The following FOXF2 variants were observed in gnomAD, a reference collection of about 807,000 sequenced individuals.
FOXF2 encodes forkhead box F2.
In FOXF2, 15 loss-of-function variants were observed where a neutral mutation model predicts 29.1. The observed-to-expected ratio is 0.52, with a 90% CI of 0.35 to 0.79. FOXF2 has a LOEUF of 0.79. Among genes scored for constraint, FOXF2 ranks in the 30% least tolerant of loss-of-function variants. FOXF2 has a pLI of 0.01. For synonymous variants in FOXF2, 337 were observed against 316.5 expected (o/e 1.06, Z -0.69); for missense variants, 675 against 667.1 (o/e 1.01, Z -0.13).
intron 1 of FOXF2, 46 bp downstream of exon 1, chr6:1,391,164 A>G (rs775794760): frequency 1.3e-6 from 2 of 1,593,366 alleles, no homozygotes; most frequent in East Asian, 4.5e-5. Context: ...CACCGCTTCT[A>G]GGCCTCCAGG....
chr6:1,390,973 G>A lies in FOXF2; in HGVS notation c.1026G>A (p.Ser342=). ...PYTSPAAHWS[S]PGASPYLKQP... ...CGAGCCCTGCGGCGCACTGGAGCTC[G>A]CCTGGCGCCTCGCCTTACCTCAAGC... is the stretch of plus-strand genomic sequence containing the variant. Residue 342 remains serine (S), a synonymous_variant, in exon 1 of 2, where the codon TCG becomes TCA. Coordinates refer to ENST00000645481, the MANE Select transcript of FOXF2 (RefSeq NM_001452.2). The surrounding 1 kb of genome is among the most constrained non-coding windows in gnomAD (Gnocchi z 8.5). The A allele has an allele frequency of 6.3e-7, 1 of 1,594,170 alleles. No individual in the cohort carries two copies. Among genetic ancestry groups the A allele is most frequent in the Middle Eastern group, 1.7e-4 (1 of 6,028 alleles).
At position 1,390,914 on chromosome 6, in the gene FOXF2, A is replaced by C; in HGVS notation, c.967A>C (p.Met323Leu). The C allele has an allele frequency of 6.5e-7, 1 of 1,545,432 alleles. No homozygotes were observed. Among genetic ancestry groups the C allele is most frequent in the Non-Finnish European group, 8.7e-7 (1 of 1,151,904 alleles). ...CAGCCCGGTACCCTCGTCCCCGGCC[A>C]TGGCGAGCGCCATCGAATGCCACTC... Reference protein sequence around the residue: ...SSSPVPSSPAMASAIECHSPY... With the variant: ...SSSPVPSSPALASAIECHSPY... Residue 323 changes from methionine (M) to leucine (L), a missense_variant, in exon 1 of 2, where the codon ATG (methionine) becomes CTG (leucine). By Grantham distance (15) the Met-to-Leu change is conservative. Coordinates refer to ENST00000645481, the MANE Select transcript of FOXF2 (RefSeq NM_001452.2). The surrounding 1 kb of genome is among the most constrained non-coding windows in gnomAD (Gnocchi z 8.5).
Position 1,390,352 on chromosome 6 carries a change from C to T in FOXF2, c.405C>T (p.Pro135=), listed in dbSNP as rs766088558. 6.2e-7 allele frequency: 1 copy of T among 1,613,080 alleles called. No homozygotes were observed. The change falls in exon 1 of 2, where the codon CCC becomes CCT. Residue 135 remains proline, a synonymous_variant. Coordinates refer to ENST00000645481, the MANE Select transcript of FOXF2 (RefSeq NM_001452.2). The surrounding 1 kb of genome is among the most constrained non-coding windows in gnomAD (Gnocchi z 8.5). ...ACCAGTTCCTGCAGGCGCGCTTCCC[C>T]TTCTTCCGCGGCGCCTACCAGGGCT... is the stretch of plus-strand genomic sequence containing the variant. ...EIYQFLQARF[P]FFRGAYQGWK...
chr6:1,391,159 C>A, intron 1 of FOXF2, 41 bp downstream of exon 1: 1 of 1,595,054 alleles, frequency 6.3e-7, no homozygotes, highest in Non-Finnish European at 8.5e-7. Flanking sequence ...GGGCGCACCG[C>A]TTCTAGGCCT....
Position 1,394,930 on chromosome 6 carries a change from G to T in FOXF2, c.*71G>T. 1 of 1,510,970 alleles carries T rather than the reference G, an allele frequency of 6.6e-7. No individual in the cohort carries two copies. The highest frequency in any genetic ancestry group is 9.2e-7 in the Non-Finnish European group (1 of 1,088,840). The allele number at this position is 1,510,970 out of a possible 1,614,324, so 93.6% of individuals were successfully genotyped here. ...AGAGGGGGCAGATAGAAACTGGGAC[G>T]GATTCAAGTCACATGCACGCGGATA... On this transcript the variant is annotated 3_prime_UTR_variant, in exon 2 of 2. Coordinates refer to ENST00000645481, the MANE Select transcript of FOXF2 (RefSeq NM_001452.2).
intron 1 of FOXF2, among the ~76,000 whole-genome samples, chr6:1,393,954 C>T (rs1758849791): frequency 6.6e-6 from 1 of 152,200 alleles, no homozygotes; most frequent in Admixed American, 6.5e-5. Flanking sequence ...GGGTCCAGGC[C>T]TTCTCTGTCC....
In FOXF2 at chr6:1,390,230, C is replaced by T. The variant is rs779371282; in HGVS notation, c.283C>T (p.Leu95=). The T allele has an allele frequency of 4.4e-6, 7 of 1,597,966 alleles. No homozygotes were observed. The African/African-American group carries it at 5.4e-5, about 12-fold the overall frequency. The change falls in exon 1 of 2, where the codon CTG becomes TTG. Residue 95 remains leucine (L), a synonymous_variant. Coordinates refer to ENST00000645481, the MANE Select transcript of FOXF2 (RefSeq NM_001452.2). This position sits in a 1 kb window ranked among gnomAD's most constrained non-coding sequence, Gnocchi z 8.5. ...GGGCGCCAAGAAGGCGAGCTCGGGG[C>T]TGCGGCGGCCCGAGAAGCCGCCCTA... ...SGGAKKASSG[L]RRPEKPPYSY... is the part of the protein sequence containing the mutation.
Position 1,390,436 on chromosome 6 carries a change from G to A in FOXF2, c.489G>A (p.Lys163=), listed in dbSNP as rs1396863800. The A allele has an allele frequency of 5.0e-6, 8 of 1,611,872 alleles. No homozygotes were observed. In the Admixed American group the frequency reaches 5.0e-5, roughly 10 times the overall value. ...SLNECFIKLP[K]GLGRPGKGHY... ...ACGAGTGCTTCATCAAGCTGCCTAA[G>A]GGCCTCGGGCGGCCCGGCAAGGGCC... is the stretch of plus-strand genomic sequence containing the variant. Residue 163 remains lysine (K), a synonymous_variant, in exon 1 of 2, where the codon AAG becomes AAA. Transcript: ENST00000645481. This position sits in a 1 kb window ranked among gnomAD's most constrained non-coding sequence, Gnocchi z 8.5.
rs1159027740 is a variant in FOXF2 at position 1,390,519 on chromosome 6, G to A, written c.572G>A (p.Arg191His). Residue 191 changes from arginine (R) to histidine (H), a missense_variant, in exon 1 of 2, where the codon CGC becomes CAC. Physicochemically the swap from Arg to His is conservative, Grantham distance 29 (BLOSUM62 0). Transcript: ENST00000645481. This position sits in a 1 kb window ranked among gnomAD's most constrained non-coding sequence, Gnocchi z 8.5. Reference protein sequence around the residue: ...EFMFEEGSFRRRPRGFRRKCQ... With the variant: ...EFMFEEGSFRHRPRGFRRKCQ... The stretch of plus-strand genomic sequence containing the variant: ...ATGTTCGAGGAGGGCTCGTTCCGCC[G>A]CCGGCCGCGCGGCTTCAGGCGGAAG... The A allele has an allele frequency of 1.2e-6, 2 of 1,610,024 alleles. No homozygotes were observed. The highest frequency in any genetic ancestry group is 1.7e-5 in the Admixed American group (1 of 59,972).
At chr6:1,392,477 C>CACACACACACACACACACACACA (rs3063208) in intron 1 of FOXF2, among the ~76,000 whole-genome samples, 1 of 149,486 alleles carries the variant, frequency 6.7e-6, no homozygotes, top group African/African-American at 2.4e-5. Flanking sequence ...CACACACACA[C>CACACACACACACACACACACACA]CCCTCGGTGC....
chr6:1,391,698 G>A (rs1335340493), intron 1 of FOXF2, among the ~76,000 whole-genome samples: 1 of 152,038 alleles, frequency 6.6e-6, no homozygotes, highest in Non-Finnish European at 1.5e-5. Flanking sequence ...AGTGGAGGGG[G>A]TCACCAAACT....
Position 1,390,857 on chromosome 6 carries a change from G to GGCA in FOXF2, c.912_913insAGC (p.Gly304_Gly305insSer). 1 of 1,442,570 alleles carries GGCA rather than the reference G, an allele frequency of 6.9e-7. No individual in the cohort carries two copies. Among genetic ancestry groups the GGCA allele is most frequent in the South Asian group, 1.5e-5 (1 of 68,360 alleles). 89.4% of individuals were successfully genotyped at this position (1,442,570 alleles called of 1,614,324 possible). ...GGGCGTCGGTGCGGCCGGGGGCGGC[G>GGCA]GCGGCGGCGACTACGGGCCGGACAG... is the stretch of plus-strand genomic sequence containing the variant. On this transcript the variant is annotated inframe_insertion, in exon 1 of 2. Coordinates refer to ENST00000645481, the MANE Select transcript of FOXF2 (RefSeq NM_001452.2). The surrounding 1 kb of genome is among the most constrained non-coding windows in gnomAD (Gnocchi z 8.5).
rs747033801 is a variant in FOXF2 at position 1,390,041 on chromosome 6, CCCGCCGCCGCCG to C, written c.112_123del (p.Ala38_Ala41del). 1,267 of 1,354,762 alleles carry C rather than the reference CCCGCCGCCGCCG, an allele frequency of 9.4e-4. 1 individual carries two copies. Among genetic ancestry groups the C allele is most frequent in the Non-Finnish European group, 1.0e-3 (1,094 of 1,048,200 alleles). 83.9% of individuals were successfully genotyped at this position (1,354,762 alleles called of 1,614,324 possible). ...CCAGGCCGCCCTGATGAGCCCGCCGCCCGCCGCCGCCGCCGCCGCCGCCGCCGCCCCGGAGAC... is the reference window on the plus strand; with the variant it reads ...CCAGGCCGCCCTGATGAGCCCGCCGCCCGCCGCCGCCGCCGCCCCGGAGAC... On this transcript the variant is annotated inframe_deletion, in exon 1 of 2. Transcript: ENST00000645481. The surrounding 1 kb of genome is among the most constrained non-coding windows in gnomAD (Gnocchi z 8.5).
rs1346457542 is a variant in FOXF2 at position 1,390,542 on chromosome 6, A to C, written c.595A>C (p.Lys199Gln). ...FRRRPRGFRR[K>Q]CQALKPMYHR... Reference sequence around the variant, plus strand: ...CCGCCGGCCGCGCGGCTTCAGGCGGAAGTGCCAGGCGCTCAAGCCCATGTA... The same window carrying C: ...CCGCCGGCCGCGCGGCTTCAGGCGGCAGTGCCAGGCGCTCAAGCCCATGTA... The change falls in exon 1 of 2, where the codon AAG (lysine) becomes CAG (glutamine). Residue 199 changes from lysine to glutamine, a missense_variant. Lys to Gln is a moderately conservative substitution (Grantham distance 53). Around this residue, in one of 3 missense-constraint regions of FOXF2, gnomAD observed 451 missense variants for 437.2 expected, o/e 1.03. Transcript: ENST00000645481. This position sits in a 1 kb window ranked among gnomAD's most constrained non-coding sequence, Gnocchi z 8.5. 1.2e-6 allele frequency: 2 copies of C among 1,608,186 alleles called. No homozygotes were observed. Among genetic ancestry groups the C allele is most frequent in the Non-Finnish European group, 1.7e-6 (2 of 1,179,134 alleles).
intron 1 of FOXF2, among the ~76,000 whole-genome samples, chr6:1,393,824 G>T (rs1412756821): frequency 2.0e-5 from 3 of 152,242 alleles, no homozygotes; most frequent in Admixed American, 6.5e-5. Context: ...GCAGGGCACT[G>T]CGGGCCGATT....
chr6:1,394,660 G>C (rs1368076575), intron 1 of FOXF2, 36 bp from the exon 2 acceptor site: 7 of 1,611,732 alleles, frequency 4.3e-6, no homozygotes, highest in African/African-American at 2.7e-5. Flanking sequence ...GGATGACTTT[G>C]TTTCTGAAGA....
Position 1,395,132 on chromosome 6 carries a change from T to G in FOXF2, c.*273T>G. 3.9e-6 allele frequency: 2 copies of G among 514,144 alleles called. No individual in the cohort carries two copies. Among genetic ancestry groups the G allele is most frequent in the Non-Finnish European group, 7.1e-6 (2 of 282,758 alleles). 31.8% of individuals were successfully genotyped at this position (514,144 alleles called of 1,614,324 possible). On this transcript the variant is annotated 3_prime_UTR_variant, in exon 2 of 2. Coordinates refer to ENST00000645481, the MANE Select transcript of FOXF2 (RefSeq NM_001452.2). ...CTCAGGTGGGAAGATGTGCCATGCGTAAGGCATCAACGTGTATCTGTGGGA... is the reference window on the plus strand; with the variant it reads ...CTCAGGTGGGAAGATGTGCCATGCGGAAGGCATCAACGTGTATCTGTGGGA...
Position 1,390,203 on chromosome 6 carries a change from G to A in FOXF2, c.256G>A (p.Gly86Arg). The stretch of plus-strand genomic sequence containing the variant: ...CGGCGGCGGCGCGGGCGCCGGGAGC[G>A]GGGGCGCCAAGAAGGCGAGCTCGGG... Reference protein sequence around the residue: ...AGGGGAGAGSGGAKKASSGLR... With the variant: ...AGGGGAGAGSRGAKKASSGLR... The change falls in exon 1 of 2, where the codon GGG becomes AGG. Residue 86 changes from glycine to arginine, a missense_variant. Gly to Arg is a moderately radical substitution (Grantham distance 125). Coordinates refer to ENST00000645481, the MANE Select transcript of FOXF2 (RefSeq NM_001452.2). This position sits in a 1 kb window ranked among gnomAD's most constrained non-coding sequence, Gnocchi z 8.5. 1.3e-6 allele frequency: 2 copies of A among 1,518,134 alleles called. No individual in the cohort carries two copies. Among genetic ancestry groups the A allele is most frequent in the Non-Finnish European group, 1.8e-6 (2 of 1,135,468 alleles). The allele number at this position is 1,518,134 out of a possible 1,614,324, so 94.0% of individuals were successfully genotyped here.
rs1246894016 is a variant in FOXF2 at position 1,390,978 on chromosome 6, G to A, written c.1031G>A (p.Gly344Asp). Residue 344 changes from glycine to aspartate, a missense_variant, in exon 1 of 2, where the codon GGC (glycine) becomes GAC (aspartate). By Grantham distance (94) the Gly-to-Asp change is moderately conservative (BLOSUM62 -1). Coordinates refer to ENST00000645481, the MANE Select transcript of FOXF2 (RefSeq NM_001452.2). The surrounding 1 kb of genome is among the most constrained non-coding windows in gnomAD (Gnocchi z 8.5). Reference protein sequence around the residue: ...TSPAAHWSSPGASPYLKQPPA... With the variant: ...TSPAAHWSSPDASPYLKQPPA... Reference sequence around the variant, plus strand: ...CCTGCGGCGCACTGGAGCTCGCCTGGCGCCTCGCCTTACCTCAAGCAGCCG... The same window carrying A: ...CCTGCGGCGCACTGGAGCTCGCCTGACGCCTCGCCTTACCTCAAGCAGCCG... 1.9e-6 allele frequency: 3 copies of A among 1,594,902 alleles called. No homozygotes were observed. The highest frequency in any genetic ancestry group is 2.7e-5 in the African/African-American group (2 of 74,804).
Sources: gnomAD v4.1 joint callset for allele counts (sites outside exome capture counted in the v4.1 genomes callset) on GRCh38, gnomAD v4.1.1 for gene constraint, gnomAD v4.1.1 regional missense constraint, Gnocchi (gnomAD v3.1) non-coding constraint, MANE v1.5 for transcripts, NCBI Gene and HGNC (gene_info 2026-07-23, HGNC 2026-07-21) for gene names.